The following VPS13A variants were observed in gnomAD, a reference collection of about 807,000 sequenced individuals.
The protein encoded by VPS13A is vacuolar protein sorting 13 homolog A, also known as intermembrane lipid transfer protein VPS13A.
Under a neutral mutation model 390.9 loss-of-function variants are expected in VPS13A, and 264 were observed. The ratio of observed to expected loss-of-function variants is 0.68; its 90% CI spans 0.61 to 0.75. The LOEUF is 0.75. VPS13A is among the 30% of genes least tolerant of loss of function. The pLI is 0.00. For synonymous variants in VPS13A, 1,231 were observed against 1,227.1 expected (o/e 1.00, Z -0.07); for missense variants, 3,409 against 3,733.9 (o/e 0.91, Z 2.27).
At chr9:77,388,524 T>C (rs896687112) in intron 68 of VPS13A, among the ~76,000 whole-genome samples, 5 of 151,460 alleles carry the variant, frequency 3.3e-5, no homozygotes, top group African/African-American at 9.6e-5. Flanking sequence ...CCTCCAAATA[T>C]CAATTTTAAA....
chr9:77,253,090 C>G (rs1310418113), intron 22 of VPS13A, among the ~76,000 whole-genome samples: 7 of 152,114 alleles, frequency 4.6e-5, no homozygotes, highest in Non-Finnish European at 7.3e-5. Flanking sequence ...TTTTACTTTC[C>G]TACCAGCACA....
chr9:77,252,483 G>A, intron 22 of VPS13A, 131 bp downstream of exon 22: 1 of 826,388 alleles, frequency 1.2e-6, no homozygotes, highest in Non-Finnish European at 2.1e-6. Context: ...TTGTGTGTGT[G>A]GTAAAATGTA....
chr9:77,276,352 A>G, intron 26 of VPS13A, 131 bp downstream of exon 26: 2 of 874,592 alleles, frequency 2.3e-6, no homozygotes, highest in Non-Finnish European at 3.3e-6. Flanking sequence ...TTCCTTTTTG[A>G]GTTAATCTTT....
intron 68 of VPS13A, chr9:77,389,870 C>T (rs565147357): frequency 2.1e-4 from 32 of 153,414 alleles, no homozygotes; most frequent in Non-Finnish European, 3.6e-4. Context: ...GAATCTTTTA[C>T]AGGGATTCTA....
At chr9:77,181,166 C>T (rs897765022) in intron 1 of VPS13A, among the ~76,000 whole-genome samples, 9 of 151,766 alleles carry the variant, frequency 5.9e-5, no homozygotes, top group African/African-American at 2.2e-4. Context: ...TTGAGAATTT[C>T]AAAAGTAGTA....
intron 39 of VPS13A, among the ~76,000 whole-genome samples, chr9:77,317,133 G>T (rs1829445329): frequency 1.3e-5 from 2 of 151,874 alleles, no homozygotes; most frequent in Non-Finnish European, 2.9e-5. Flanking sequence ...ATGTAATTTT[G>T]ATACAATGAA....
At chr9:77,414,749 T>TAATAATAATAAG (rs1341814707) in intron 71 of VPS13A, among the ~76,000 whole-genome samples, 2 of 148,944 alleles carry the variant, frequency 1.3e-5, no homozygotes, top group African/African-American at 2.5e-5. Flanking sequence ...TTAATAATAA[T>TAATAATAATAAG]AATAATAATA....
chr9:77,372,619 C>T (rs371593357), intron 67 of VPS13A, among the ~76,000 whole-genome samples: 11,633 of 151,358 alleles, frequency 0.077, 559 homozygotes, highest in East Asian at 0.11. Flanking sequence ...AACATAGTGT[C>T]GGAAGTTCTG....
At chr9:77,179,877 A>G (rs1823903904) in intron 1 of VPS13A, among the ~76,000 whole-genome samples, 1 of 152,084 alleles carries the variant, frequency 6.6e-6, no homozygotes, top group South Asian at 2.1e-4. Context: ...CTCCCTTCTC[A>G]CTACTCCACC....
chr9:77,398,646 G>A (rs980433914), intron 68 of VPS13A, among the ~76,000 whole-genome samples: 7 of 152,116 alleles, frequency 4.6e-5, no homozygotes, highest in African/African-American at 9.7e-5. Context: ...ACAGCGTGAC[G>A]TTCTCTCCCA....
intron 69 of VPS13A, 130 bp downstream of exon 69, chr9:77,403,451 G>A (rs540558247): frequency 4.0e-5 from 31 of 779,382 alleles, no homozygotes; most frequent in African/African-American, 3.8e-4. Flanking sequence ...TGCTCCACAA[G>A]CCTAACTCGC....
At chr9:77,261,610 A>C (rs1240930601) in intron 23 of VPS13A, among the ~76,000 whole-genome samples, 2 of 151,376 alleles carry the variant, frequency 1.3e-5, no homozygotes, top group African/African-American at 4.9e-5. Flanking sequence ...TTTGGGACGA[A>C]GTCTCCCTCT....
chr9:77,237,492 G>C (rs572922770), intron 17 of VPS13A, among the ~76,000 whole-genome samples: 1 of 152,098 alleles, frequency 6.6e-6, no homozygotes, highest in Non-Finnish European at 1.5e-5. Flanking sequence ...AGCCTCCCGA[G>C]TAGCTGGGAC....
chr9:77,419,351 A>C lies in VPS13A; in HGVS notation c.*3345A>C, dbSNP rs1835274893. The C allele has an allele frequency of 6.6e-6, 1 of 152,204 alleles. No individual in the cohort carries two copies. Among genetic ancestry groups the C allele is most frequent in the East Asian group, 1.9e-4 (1 of 5,200 alleles). The allele number at this position is 152,204 out of a possible 1,614,324, so 9.4% of individuals were successfully genotyped here. ...GTTCCTGAAATACTGTTTCAGCTAA[A>C]TATTCTATTTACTGTGTATACTGGG... is the stretch of plus-strand genomic sequence containing the variant. On this transcript the variant is annotated 3_prime_UTR_variant, in exon 72 of 72. Transcript: ENST00000360280.
intron 23 of VPS13A, among the ~76,000 whole-genome samples, chr9:77,271,192 G>T (rs1826332420): frequency 6.6e-6 from 1 of 152,034 alleles, no homozygotes; most frequent in Non-Finnish European, 1.5e-5. Flanking sequence ...TAAACAGGTA[G>T]CATGAAAAGA....
At chr9:77,282,899 T>C (rs66651760) in intron 29 of VPS13A, among the ~76,000 whole-genome samples, 33,362 of 151,664 alleles carry the variant, frequency 0.22, 4,016 homozygotes, top group African/African-American at 0.3. Flanking sequence ...CAGCGATCTT[T>C]GAGCTACAAT....
chr9:77,400,860 TTTTTATAGTAC>T (rs1211435720), intron 68 of VPS13A, among the ~76,000 whole-genome samples: 3 of 151,786 alleles, frequency 2.0e-5, no homozygotes, highest in Non-Finnish European at 4.4e-5. Context: ...AAAATGTTAC[TTTTTATAGTAC>T]TTTTATAGTT....
intron 71 of VPS13A, among the ~76,000 whole-genome samples, chr9:77,414,827 C>T (rs112813673): frequency 2.2e-3 from 335 of 152,068 alleles, no homozygotes; most frequent in Non-Finnish European, 4.0e-3. Flanking sequence ...CCTGGCCAGA[C>T]TCAGAAGAGA....
At chr9:77,194,991 T>A (rs990655205) in intron 1 of VPS13A, among the ~76,000 whole-genome samples, 1 of 152,036 alleles carries the variant, frequency 6.6e-6, no homozygotes, top group African/African-American at 2.4e-5. Flanking sequence ...AATTCACCTA[T>A]TTTTTTTCTT....
Sources: gnomAD v4.1 joint callset for allele counts (sites outside exome capture counted in the v4.1 genomes callset) on GRCh38, gnomAD v4.1.1 for gene constraint, MANE v1.5 for transcripts, NCBI Gene and HGNC (gene_info 2026-07-23, HGNC 2026-07-21) for gene names.